The following PPM1D variants were observed in gnomAD, a reference collection of about 807,000 sequenced individuals.
PPM1D encodes the protein protein phosphatase, Mg2+/Mn2+ dependent 1D.
PPM1D carries 52 observed loss-of-function variants against 58.3 expected under a neutral mutation model. That is an observed-to-expected ratio of 0.89 (90% CI 0.71 to 1.12). The LOEUF (loss-of-function observed/expected upper bound fraction) is 1.12, where lower values mean the gene tolerates loss of function less well. Among genes scored for constraint, PPM1D ranks in the 50% most tolerant of loss-of-function variants. The pLI, the probability that PPM1D is intolerant of heterozygous loss-of-function variation, is 0.00. For missense variants in PPM1D, 564 were observed against 777.2 expected (o/e 0.73, Z 3.26); for synonymous variants, 278 against 285.1 (o/e 0.98, Z 0.25).
In PPM1D at chr17:60,626,400, G is replaced by GTT. The variant is rs1230590157; in HGVS notation, c.701+2662_701+2663dup. On this transcript the variant is annotated intron_variant, in intron 2 of 5. Coordinates refer to ENST00000305921, the MANE Select transcript of PPM1D (RefSeq NM_003620.4). The stretch of plus-strand genomic sequence containing the variant: ...GATGTGTTTTTTTGGGGTTTTTTTT[G>GTT]TTTTTTTTTTTTGAAACGGAGTCTG... Among the ~76,000 whole-genome samples, 185 of 141,520 alleles carry GTT rather than the reference G, an allele frequency of 1.3e-3. 2 individuals are homozygous for GTT. The highest frequency in any genetic ancestry group is 4.3e-3 in the African/African-American group (169 of 38,918). The allele number at this position is 141,520 out of a possible 152,430, so 92.8% of individuals were successfully genotyped here.
chr17:60,659,433 C>G (rs1408675597), intron 5 of PPM1D, among the ~76,000 whole-genome samples: 2 of 152,114 alleles, frequency 1.3e-5, no homozygotes, highest in African/African-American at 4.8e-5. Context: ...AGTGGAAAAG[C>G]CTTTGTTTAA....
intron 2 of PPM1D, among the ~76,000 whole-genome samples, chr17:60,624,328 T>C (rs1320839189): frequency 6.6e-6 from 1 of 152,212 alleles, no homozygotes; most frequent in African/African-American, 2.4e-5. Flanking sequence ...ATTATCTCAA[T>C]ACTAATTTTT....
chr17:60,604,658 T>G (rs1357902317), intron 1 of PPM1D: 1 of 151,982 alleles, frequency 6.6e-6, no homozygotes, highest in Non-Finnish European at 1.5e-5. Flanking sequence ...CTCCAGAGGC[T>G]GAGATGGAGG....
intron 2 of PPM1D, 139 bp downstream of exon 2, chr17:60,623,888 A>G: frequency 1.3e-6 from 1 of 773,938 alleles, no homozygotes. Flanking sequence ...TGTCTGATGT[A>G]ATACTCATGT....
intron 2 of PPM1D, 118 bp downstream of exon 2, chr17:60,623,867 G>C: frequency 2.0e-6 from 2 of 1,004,080 alleles, no homozygotes; most frequent in East Asian, 2.6e-5. Flanking sequence ...AGTATTACAG[G>C]TTTTTTAGTT....
At chr17:60,619,742 A>G (rs1390146515) in intron 1 of PPM1D, among the ~76,000 whole-genome samples, 5 of 151,976 alleles carry the variant, frequency 3.3e-5, no homozygotes, top group Non-Finnish European at 7.4e-5. Context: ...CTAGGACTAC[A>G]GATGTGTGCT....
chr17:60,601,509 A>G (rs570978837), intron 1 of PPM1D, among the ~76,000 whole-genome samples: 1 of 152,242 alleles, frequency 6.6e-6, no homozygotes, highest in South Asian at 2.1e-4. Flanking sequence ...GCTTATGAAA[A>G]CTAAAAACGC....
chr17:60,648,929 A>G (rs2031296250), intron 4 of PPM1D, among the ~76,000 whole-genome samples: 1 of 150,876 alleles, frequency 6.6e-6, no homozygotes, highest in Non-Finnish European at 1.5e-5. Flanking sequence ...CCACCCAGCT[A>G]ATTTTTTGTA....
At chr17:60,639,922 A>G (rs544746162) in intron 3 of PPM1D, among the ~76,000 whole-genome samples, 67 of 152,370 alleles carry the variant, frequency 4.4e-4, no homozygotes, top group Non-Finnish European at 8.8e-4. Context: ...GAAGAAGCAT[A>G]GTGATATAGG....
At chr17:60,652,287 C>G (rs949807892) in intron 4 of PPM1D, among the ~76,000 whole-genome samples, 1 of 152,042 alleles carries the variant, frequency 6.6e-6, no homozygotes, top group African/African-American at 2.4e-5. Flanking sequence ...TCCTCCAGTT[C>G]CATCCCTGTT....
intron 3 of PPM1D, among the ~76,000 whole-genome samples, chr17:60,635,794 A>G (rs1208170005): frequency 6.6e-6 from 1 of 152,152 alleles, no homozygotes; most frequent in Non-Finnish European, 1.5e-5. Flanking sequence ...TTTCTTCCCA[A>G]AGTGATTATC....
Position 60,619,613 on chromosome 17 carries a change from T to A in PPM1D, c.473-3908T>A, listed in dbSNP as rs188796215. Among the ~76,000 whole-genome samples the A allele has an allele frequency of 1.8e-4, 27 of 152,268 alleles. 1 individual carries two copies. The East Asian group carries it at 1.9e-3, about 11-fold the overall frequency. On this transcript the variant is annotated intron_variant, in intron 1 of 5. Transcript: ENST00000305921. ...GAGGTTATCTCTCTCTTTATTTTTT[T>A]AATTTTTTTTTAGATGGGTCTTCTC...
In PPM1D at chr17:60,600,392, G is replaced by C. The variant is rs1002796226; in HGVS notation, c.-23G>C. On this transcript the variant is annotated 5_prime_UTR_variant, in exon 1 of 6. Transcript: ENST00000305921. ...CGGATTCGGCGGGCTGCGTGGGACCGGCGGGATCCCGGCCAGCCGGCCATG... is the reference window on the plus strand; with the variant it reads ...CGGATTCGGCGGGCTGCGTGGGACCCGCGGGATCCCGGCCAGCCGGCCATG... 3.2e-6 allele frequency: 5 copies of C among 1,540,654 alleles called. No individual in the cohort carries two copies. Among genetic ancestry groups the C allele is most frequent in the African/African-American group, 1.4e-5 (1 of 71,942 alleles).
chr17:60,627,595 T>C (rs1364836008), intron 2 of PPM1D, among the ~76,000 whole-genome samples: 5 of 152,044 alleles, frequency 3.3e-5, no homozygotes, highest in Non-Finnish European at 7.4e-5. Context: ...CTAATTTTTG[T>C]ATTTTTAGTA....
intron 3 of PPM1D, among the ~76,000 whole-genome samples, chr17:60,635,415 A>G (rs932737192): frequency 2.0e-5 from 3 of 151,996 alleles, no homozygotes; most frequent in Non-Finnish European, 4.4e-5. Flanking sequence ...GGGTTTCTCT[A>G]TGTTGGTCAG....
At chr17:60,657,006 T>C (rs1205087424) in intron 5 of PPM1D, 165 bp downstream of exon 5, 4 of 1,544,422 alleles carry the variant, frequency 2.6e-6, no homozygotes, top group East Asian at 2.4e-5. Context: ...TCAATACTAA[T>C]CTGAATGCCA....
At position 60,638,648 on chromosome 17, in the gene PPM1D, C is replaced by T. The variant is rs543816733; in HGVS notation, c.826+4671C>T. Among the ~76,000 whole-genome samples the T allele has an allele frequency of 1.8e-4, 27 of 152,106 alleles. No individual in the cohort carries two copies. In the South Asian group the frequency reaches 3.3e-3, roughly 19 times the overall value. On this transcript the variant is annotated intron_variant, in intron 3 of 5. Transcript: ENST00000305921. Reference sequence around the variant, plus strand: ...CTTCCCAAAGTGCTGGGATTACAAGCGCAAGCCACCGCGACCGACCGGCCT... The same window carrying T: ...CTTCCCAAAGTGCTGGGATTACAAGTGCAAGCCACCGCGACCGACCGGCCT...
In PPM1D at chr17:60,600,274, C is replaced by T. The variant is rs1335981607; in HGVS notation, c.-141C>T. 4.9e-6 allele frequency: 7 copies of T among 1,415,988 alleles called. No individual in the cohort carries two copies. Among genetic ancestry groups the T allele is most frequent in the Non-Finnish European group, 6.5e-6 (7 of 1,082,054 alleles). 87.7% of individuals were successfully genotyped at this position (1,415,988 alleles called of 1,614,324 possible). A position where few individuals can be genotyped will look rare whatever the true frequency, so the allele number is the denominator to read the frequency against. On this transcript the variant is annotated 5_prime_UTR_variant, in exon 1 of 6. Transcript: ENST00000305921. Reference sequence around the variant, plus strand: ...GCGGACAAGTCCAGACATCGCGCGCCCCCCCTTCTCCGGGTCCGCCCCCTC... The same window carrying T: ...GCGGACAAGTCCAGACATCGCGCGCTCCCCCTTCTCCGGGTCCGCCCCCTC...
Position 60,628,398 on chromosome 17 carries a change from G to A in PPM1D, c.701+4649G>A, listed in dbSNP as rs190256159. Among the ~76,000 whole-genome samples, 17 of 152,142 alleles carry A rather than the reference G, an allele frequency of 1.1e-4. No homozygotes were observed. The East Asian group carries it at 2.9e-3, about 26-fold the overall frequency. On this transcript the variant is annotated intron_variant, in intron 2 of 5. Transcript: ENST00000305921. ...CATAGTTTACATTAGGGTTCACTCC[G>A]GGTGTTATACATTTTATGGGTTTTG...
Sources: allele counts gnomAD v4.1 joint callset (sites outside exome capture counted in the v4.1 genomes callset), GRCh38; gene constraint gnomAD v4.1.1; transcripts MANE v1.5; gene names NCBI Gene and HGNC (gene_info 2026-07-23, HGNC 2026-07-21).